Variants in KLHL7 observed in about 807,000 individuals in gnomAD.
The protein encoded by KLHL7 is kelch like family member 7.
KLHL7 carries 44 observed loss-of-function variants against 67.4 expected under a neutral mutation model. That is an observed-to-expected ratio of 0.65 (90% CI 0.51 to 0.84). KLHL7 has a LOEUF of 0.84. KLHL7 is among the 40% of genes least tolerant of loss of function. KLHL7 has a pLI of 0.00. For missense variants in KLHL7, 362 were observed against 718.1 expected (o/e 0.50, Z 5.67); for synonymous variants, 252 against 243.3 (o/e 1.04, Z -0.33).
chr7:23,122,702 CATT>C (rs535196441), intron 1 of KLHL7, among the ~76,000 whole-genome samples: 4 of 152,130 alleles, frequency 2.6e-5, no homozygotes, highest in Non-Finnish European at 5.9e-5. Context: ...TCATTCTAAA[CATT>C]ATTATTTTAT....
intron 8 of KLHL7, among the ~76,000 whole-genome samples, chr7:23,166,219 G>T (rs1198526733): frequency 4.6e-5 from 7 of 152,012 alleles, no homozygotes; most frequent in African/African-American, 1.7e-4. Flanking sequence ...TAAATTATTT[G>T]GGCTGCATAA....
intron 7 of KLHL7, among the ~76,000 whole-genome samples, chr7:23,163,318 C>T (rs1272824822): frequency 3.3e-5 from 5 of 152,074 alleles, no homozygotes; most frequent in Admixed American, 3.3e-4. Context: ...TTACACGTGC[C>T]TGCCACCATG....
chr7:23,172,728 A>T, intron 9 of KLHL7: 1 of 454,712 alleles, frequency 2.2e-6, no homozygotes, highest in Non-Finnish European at 3.9e-6. Flanking sequence ...ATATCCTATC[A>T]GAATTGAAAG....
intron 5 of KLHL7, among the ~76,000 whole-genome samples, chr7:23,141,504 A>G (rs752883137): frequency 6.6e-6 from 1 of 152,260 alleles, no homozygotes; most frequent in Non-Finnish European, 1.5e-5. Flanking sequence ...GTTTTAGTCC[A>G]CTGTGACCCA....
In KLHL7 at chr7:23,106,693, C is replaced by T. The variant is rs1782655588; in HGVS notation, c.120+547C>T. ...AAGCAGCCATCGATAAATACCATGC[C>T]ATCTTCTAAGGGCACTGTGCGCCTC... On this transcript the variant is annotated intron_variant, in intron 1 of 10. Transcript: ENST00000339077. The T allele has an allele frequency of 4.0e-6, 4 of 1,006,010 alleles. No homozygotes were observed. The South Asian group carries it at 1.2e-4, about 31-fold the overall frequency. The allele number at this position is 1,006,010 out of a possible 1,614,324, so 62.3% of individuals were successfully genotyped here.
At position 23,152,090 on chromosome 7, in the gene KLHL7, T is replaced by C; in HGVS notation, c.817T>C (p.Ser273Pro). 1 of 1,613,844 alleles carries C rather than the reference T, an allele frequency of 6.2e-7. No individual in the cohort carries two copies. The highest frequency in any genetic ancestry group is 8.5e-7 in the Non-Finnish European group (1 of 1,179,790). Residue 273 changes from serine to proline, a missense_variant, in exon 7 of 11, where the codon TCT (serine) becomes CCT (proline). Ser to Pro is a moderately conservative substitution (Grantham distance 74). Transcript: ENST00000339077. ...AGGTGGAATGAGGTACCATCTACTGTCTCCAGAGGACCGAGAAGAACTTGT... is the reference window on the plus strand; with the variant it reads ...AGGTGGAATGAGGTACCATCTACTGCCTCCAGAGGACCGAGAAGAACTTGT... ...VISGMRYHLL[S>P]PEDREELVDG...
At chr7:23,136,103 C>T (rs945797644) in intron 4 of KLHL7, among the ~76,000 whole-genome samples, 36 of 152,216 alleles carry the variant, frequency 2.4e-4, no homozygotes, top group African/African-American at 7.9e-4. Context: ...GATCAACTAT[C>T]CCAGCTGGTG....
intron 8 of KLHL7, among the ~76,000 whole-genome samples, chr7:23,166,874 T>G (rs1785018248): frequency 6.6e-6 from 1 of 152,124 alleles, no homozygotes; most frequent in East Asian, 1.9e-4. Context: ...TTTTTTAATC[T>G]ACTATATACT....
chr7:23,111,156 A>G (rs965304586), intron 1 of KLHL7, among the ~76,000 whole-genome samples: 1 of 152,204 alleles, frequency 6.6e-6, no homozygotes, highest in Admixed American at 6.5e-5. Flanking sequence ...TGGGTGGGTA[A>G]TTTGACCATC....
intron 7 of KLHL7, among the ~76,000 whole-genome samples, chr7:23,160,679 T>C (rs1247448341): frequency 2.6e-5 from 4 of 152,258 alleles, no homozygotes; most frequent in African/African-American, 9.6e-5. Flanking sequence ...GCTACAATGT[T>C]ACTGTTGTTG....
Position 23,177,587 on chromosome 7 carries a change from CA to C in KLHL7, c.*3293del, listed in dbSNP as rs1347469941. ...CAAGCACATTTTCTATTTTGTTGCC[CA>C]AAACTCCCTGTCCTGTAAAGTGCTC... On this transcript the variant is annotated 3_prime_UTR_variant, in exon 11 of 11. Transcript: ENST00000339077. The C allele has an allele frequency of 6.6e-6, 1 of 152,018 alleles. No individual in the cohort carries two copies. 9.4% of individuals were successfully genotyped at this position (152,018 alleles called of 1,614,324 possible).
intron 4 of KLHL7, among the ~76,000 whole-genome samples, chr7:23,131,337 G>A (rs1356497358): frequency 1.3e-5 from 2 of 151,924 alleles, no homozygotes; most frequent in Admixed American, 6.6e-5. Flanking sequence ...CCAACAAATG[G>A]TTCTTGTGTA....
At chr7:23,165,623 G>A in intron 7 of KLHL7, 75 bp from the exon 8 acceptor site, 2 of 1,498,322 alleles carry the variant, frequency 1.3e-6, no homozygotes, top group Non-Finnish European at 1.9e-6. Flanking sequence ...TATGTTTTTT[G>A]ACTGTATCTT....
chr7:23,119,726 CA>C (rs1273816350), intron 1 of KLHL7, among the ~76,000 whole-genome samples: 1 of 152,098 alleles, frequency 6.6e-6, no homozygotes, highest in Non-Finnish European at 1.5e-5. Flanking sequence ...AGATCCCTCA[CA>C]TTTTTTTTGT....
chr7:23,124,900 A>G, intron 3 of KLHL7, 119 bp downstream of exon 3: 1 of 1,092,258 alleles, frequency 9.2e-7, no homozygotes, highest in Non-Finnish European at 1.4e-6. Context: ...CAAGGATGGA[A>G]GAGTTTCAGT....
At chr7:23,163,560 A>T (rs1016212725) in intron 7 of KLHL7, among the ~76,000 whole-genome samples, 28 of 152,234 alleles carry the variant, frequency 1.8e-4, no homozygotes, top group African/African-American at 6.3e-4. Context: ...GTGTTCAGTC[A>T]TCAAGCCTGG....
intron 10 of KLHL7, 41 bp downstream of exon 10, chr7:23,173,086 T>C: frequency 8.9e-6 from 12 of 1,346,588 alleles, no homozygotes; most frequent in Non-Finnish European, 1.3e-5. Context: ...CCTGATGAGT[T>C]TGCTGATACT....
chr7:23,150,751 TC>T (rs973260963), intron 6 of KLHL7, among the ~76,000 whole-genome samples: 2 of 152,152 alleles, frequency 1.3e-5, no homozygotes, highest in Non-Finnish European at 2.9e-5. Flanking sequence ...GAGTGCTGCC[TC>T]CCCCGATACA....
chr7:23,154,704 A>G (rs1292631220), intron 7 of KLHL7, among the ~76,000 whole-genome samples: 2 of 152,212 alleles, frequency 1.3e-5, no homozygotes, highest in African/African-American at 4.8e-5. Context: ...AGGTCAGACC[A>G]TGACATTTAA....
Sources: gnomAD v4.1 joint callset for allele counts (sites outside exome capture counted in the v4.1 genomes callset) on GRCh38, gnomAD v4.1.1 for gene constraint, MANE v1.5 for transcripts, NCBI Gene and HGNC (gene_info 2026-07-23, HGNC 2026-07-21) for gene names.